SLIT2: variants seen among roughly 807,000 people sequenced by gnomAD.
The protein encoded by SLIT2 is slit homolog 2 protein.
In SLIT2, 41 loss-of-function variants were observed where a neutral mutation model predicts 185.7. The observed-to-expected ratio is 0.22, with a 90% CI of 0.17 to 0.29. SLIT2 has a LOEUF of 0.29. Ranked by LOEUF, SLIT2 falls within the 10% of genes least tolerant of loss-of-function variation. The pLI, the probability that SLIT2 is intolerant of heterozygous loss-of-function variation, is 1.00. For missense variants in SLIT2, 1,571 were observed against 1,909.0 expected, an observed-to-expected ratio of 0.82 and a Z score of 3.30; for synonymous variants, 693 against 680.2, an observed-to-expected ratio of 1.02 and a Z score of -0.29.
chr4:20,350,275 C>A (rs924917416), intron 4 of SLIT2, among the ~76,000 whole-genome samples: 5 of 151,282 alleles, frequency 3.3e-5, no homozygotes, highest in African/African-American at 1.2e-4. Flanking sequence ...TCAGTGATTA[C>A]GCTTTTCTCC....
chr4:20,472,567 TATATAG>T (rs1322481123), intron 5 of SLIT2, among the ~76,000 whole-genome samples: 2 of 22,726 alleles, frequency 8.8e-5, no homozygotes, highest in African/African-American at 7.5e-4. Flanking sequence ...TATATATCTA[TATATAG>T]ATATATCTAT....
At chr4:20,271,308 T>C (rs1213688722) in intron 4 of SLIT2, among the ~76,000 whole-genome samples, 2 of 150,436 alleles carry the variant, frequency 1.3e-5, no homozygotes, top group African/African-American at 4.9e-5. Flanking sequence ...ATAGTTGATA[T>C]ATATATGATC....
At chr4:20,508,488 A>T (rs548855007) in intron 9 of SLIT2, among the ~76,000 whole-genome samples, 1 of 152,132 alleles carries the variant, frequency 6.6e-6, no homozygotes, top group Non-Finnish European at 1.5e-5. Context: ...GTAATGTCTT[A>T]CAAAATGTTA....
intron 4 of SLIT2, among the ~76,000 whole-genome samples, chr4:20,301,889 A>C (rs576226464): frequency 3.5e-4 from 53 of 152,196 alleles, no homozygotes; most frequent in Non-Finnish European, 6.0e-4. Flanking sequence ...AATGTTCATC[A>C]GGCTCAATCA....
At chr4:20,270,846 G>A (rs1173120737) in intron 4 of SLIT2, among the ~76,000 whole-genome samples, 1 of 151,942 alleles carries the variant, frequency 6.6e-6, no homozygotes, top group Non-Finnish European at 1.5e-5. Context: ...GCATCCTCAC[G>A]TCAGGAATCT....
chr4:20,591,789 T>C (rs2148951590), intron 30 of SLIT2, among the ~76,000 whole-genome samples: 1 of 152,118 alleles, frequency 6.6e-6, no homozygotes, highest in Admixed American at 6.6e-5. Flanking sequence ...GCTGAACAGA[T>C]GTCACAGTAC....
chr4:20,607,208 G>A (rs907771069), intron 33 of SLIT2, among the ~76,000 whole-genome samples: 4 of 152,152 alleles, frequency 2.6e-5, no homozygotes, highest in Non-Finnish European at 5.9e-5. Flanking sequence ...ACTAACCAAA[G>A]ATGACATGTC....
At chr4:20,417,049 T>C (rs1245955904) in intron 4 of SLIT2, among the ~76,000 whole-genome samples, 1 of 151,728 alleles carries the variant, frequency 6.6e-6, no homozygotes, top group Non-Finnish European at 1.5e-5. Context: ...TGACTTGAAA[T>C]GTGAGCTTTC....
At chr4:20,472,540 C>CTATA (rs1560454969) in intron 5 of SLIT2, among the ~76,000 whole-genome samples, 137 of 9,488 alleles carry the variant, frequency 0.014, 35 homozygotes, top group Admixed American at 0.03. Context: ...ATAGATATAT[C>CTATA]TATATCTATA....
intron 4 of SLIT2, among the ~76,000 whole-genome samples, chr4:20,312,873 A>G (rs540575740): frequency 6.6e-6 from 1 of 151,870 alleles, no homozygotes; most frequent in African/African-American, 2.4e-5. Context: ...TATAAAATAG[A>G]TTTTCTTGCT....
intron 4 of SLIT2, among the ~76,000 whole-genome samples, chr4:20,313,846 C>T (rs948894309): frequency 3.3e-5 from 5 of 152,172 alleles, no homozygotes; most frequent in African/African-American, 7.2e-5. Flanking sequence ...GCAATGCTCA[C>T]TTGCCTGCTG....
chr4:20,486,650 C>T (rs1376238287), intron 7 of SLIT2, among the ~76,000 whole-genome samples: 1 of 152,134 alleles, frequency 6.6e-6, no homozygotes, highest in East Asian at 1.9e-4. Context: ...GGTTCTTCAA[C>T]ATTCCTTATA....
chr4:20,522,228 G>A (rs1720904152), intron 12 of SLIT2, among the ~76,000 whole-genome samples: 1 of 152,094 alleles, frequency 6.6e-6, no homozygotes, highest in Admixed American at 6.6e-5. Context: ...TAAGAGTTGA[G>A]TCCATTGCAA....
chr4:20,255,169 C>A (rs1040002423), intron 1 of SLIT2: 1 of 397,676 alleles, frequency 2.5e-6, no homozygotes, highest in Non-Finnish European at 4.9e-6. Flanking sequence ...ATTCGTCCCG[C>A]GGCCTCTTTG....
At chr4:20,537,162 A>T (rs1353991017) in intron 18 of SLIT2, among the ~76,000 whole-genome samples, 1 of 152,176 alleles carries the variant, frequency 6.6e-6, no homozygotes, top group Admixed American at 6.5e-5. Context: ...CCAATAATAT[A>T]GTTGTTTATT....
chr4:20,271,340 C>A (rs2109033622), intron 4 of SLIT2, among the ~76,000 whole-genome samples: 1 of 147,092 alleles, frequency 6.8e-6, no homozygotes, highest in African/African-American at 2.5e-5. Context: ...ATGTGTAAAA[C>A]AATATATAAG....
At chr4:20,284,005 CG>C (rs375081059) in intron 4 of SLIT2, among the ~76,000 whole-genome samples, 50 of 152,184 alleles carry the variant, frequency 3.3e-4, no homozygotes, top group African/African-American at 1.2e-3. Flanking sequence ...AATGTGGAAG[CG>C]TTGTGAACAT....
At chr4:20,452,374 T>G (rs1712566745) in intron 4 of SLIT2, among the ~76,000 whole-genome samples, 1 of 152,196 alleles carries the variant, frequency 6.6e-6, no homozygotes, top group African/African-American at 2.4e-5. Flanking sequence ...GTTGTGAATA[T>G]TAAATGAATA....
intron 33 of SLIT2, 150 bp downstream of exon 33, chr4:20,598,545 CA>C: frequency 1.3e-6 from 1 of 794,802 alleles, no homozygotes; most frequent in Non-Finnish European, 2.0e-6. Context: ...CTGGCAGGAA[CA>C]GAGGGCATAC....
Sources: allele counts gnomAD v4.1 joint callset (sites outside exome capture counted in the v4.1 genomes callset), GRCh38; gene constraint gnomAD v4.1.1; transcripts MANE v1.5; gene names NCBI Gene and HGNC (gene_info 2026-07-23, HGNC 2026-07-21).